CCDC146: variants seen among roughly 807,000 people sequenced by gnomAD.
The protein encoded by CCDC146 is coiled-coil domain-containing protein 146.
In CCDC146, 92 loss-of-function variants were observed where a neutral mutation model predicts 119.3. The ratio of observed to expected loss-of-function variants is 0.77; its 90% CI spans 0.65 to 0.92. The LOEUF is 0.92. Ranked by LOEUF, CCDC146 falls within the 40% of genes least tolerant of loss-of-function variation. The pLI, the probability that CCDC146 is intolerant of heterozygous loss-of-function variation, is 0.00. For synonymous variants in CCDC146, 372 were observed against 371.8 expected (o/e 1.00, Z -0.01); for missense variants, 1,000 against 1,103.0 (o/e 0.91, Z 1.32).
intron 3 of CCDC146, among the ~76,000 whole-genome samples, chr7:77,240,713 G>C (rs1490826137): frequency 6.6e-6 from 1 of 152,148 alleles, no homozygotes; most frequent in East Asian, 1.9e-4. Flanking sequence ...AATATACGAA[G>C]TTCCCGTCTA....
chr7:77,206,672 T>TATATAC (rs1436760781), intron 2 of CCDC146, among the ~76,000 whole-genome samples: 10 of 130,768 alleles, frequency 7.6e-5, no homozygotes, highest in South Asian at 6.8e-4. Flanking sequence ...TATATATATA[T>TATATAC]ACACACACAC....
intron 2 of CCDC146, chr7:77,193,250 T>C (rs1021268447): frequency 6.6e-6 from 1 of 152,246 alleles, no homozygotes; most frequent in Non-Finnish European, 1.5e-5. Context: ...ATGGTGTTCC[T>C]CTATTTGCCT....
intron 11 of CCDC146, among the ~76,000 whole-genome samples, chr7:77,276,854 T>G (rs1793655058): frequency 1.3e-5 from 2 of 152,202 alleles, no homozygotes; most frequent in South Asian, 4.1e-4. Context: ...GTGGATCACC[T>G]GAGGTCAGGA....
chr7:77,190,607 A>G (rs1461641824), intron 2 of CCDC146, among the ~76,000 whole-genome samples: 1 of 152,162 alleles, frequency 6.6e-6, no homozygotes, highest in Non-Finnish European at 1.5e-5. Flanking sequence ...TCAAAAAGCA[A>G]GGGGGGGCCC....
intron 1 of CCDC146, among the ~76,000 whole-genome samples, chr7:77,158,608 C>T (rs2117461213): frequency 6.6e-6 from 1 of 152,256 alleles, no homozygotes; most frequent in South Asian, 2.1e-4. Context: ...CAACCTCTGC[C>T]TTCCAGGTTC....
At chr7:77,260,640 T>A (rs1349792685) in intron 8 of CCDC146, among the ~76,000 whole-genome samples, 1 of 152,198 alleles carries the variant, frequency 6.6e-6, no homozygotes, top group African/African-American at 2.4e-5. Flanking sequence ...TTTTTGTTTG[T>A]TTTTTGAGAT....
chr7:77,268,932 C>G (rs1391266205), intron 9 of CCDC146, among the ~76,000 whole-genome samples: 1 of 152,074 alleles, frequency 6.6e-6, no homozygotes, highest in Non-Finnish European at 1.5e-5. Flanking sequence ...CTCTTACTTG[C>G]CTCCAGAATT....
At chr7:77,228,219 A>G (rs1792553616) in intron 2 of CCDC146, among the ~76,000 whole-genome samples, 2 of 152,202 alleles carry the variant, frequency 1.3e-5, no homozygotes, top group African/African-American at 2.4e-5. Context: ...GTAAACTTGT[A>G]TCATGGAGGT....
chr7:77,269,081 T>C (rs1052950208), intron 9 of CCDC146, among the ~76,000 whole-genome samples: 5 of 152,252 alleles, frequency 3.3e-5, no homozygotes, highest in Non-Finnish European at 5.9e-5. Context: ...TGATTTTCTC[T>C]ATTCTGTCTT....
In CCDC146 at chr7:77,196,705, C is replaced by G; in HGVS notation, c.156+28881C>G. The G allele has an allele frequency of 6.2e-7, 1 of 1,614,230 alleles. No individual in the cohort carries two copies. Among genetic ancestry groups the G allele is most frequent in the South Asian group, 1.1e-5 (1 of 91,086 alleles). Reference sequence around the variant, plus strand: ...AGTCTTCAAGATCTATTCTCAGAATCATTTCCTTACTCTTGGTCAGAAGAT... The same window carrying G: ...AGTCTTCAAGATCTATTCTCAGAATGATTTCCTTACTCTTGGTCAGAAGAT... On this transcript the variant is annotated intron_variant, in intron 2 of 18. Coordinates refer to ENST00000285871, the MANE Select transcript of CCDC146 (RefSeq NM_020879.3). This position sits in a 1 kb window ranked among gnomAD's most constrained non-coding sequence, Gnocchi z 4.2.
intron 1 of CCDC146, among the ~76,000 whole-genome samples, chr7:77,141,229 T>TC (rs1790928742): frequency 6.6e-6 from 1 of 152,236 alleles, no homozygotes; most frequent in Non-Finnish European, 1.5e-5. Context: ...TTCATCCATG[T>TC]CCCTGCAAAG....
At chr7:77,156,213 A>G (rs1791177377) in intron 1 of CCDC146, among the ~76,000 whole-genome samples, 1 of 152,230 alleles carries the variant, frequency 6.6e-6, no homozygotes, top group Admixed American at 6.5e-5. Flanking sequence ...ATTAACTTTA[A>G]AGGCCAGATA....
intron 18 of CCDC146, 104 bp downstream of exon 18, chr7:77,293,304 C>A: frequency 1.7e-6 from 2 of 1,202,354 alleles, no homozygotes; most frequent in East Asian, 2.3e-5. Context: ...CCCCACTCTA[C>A]CACACACAGT....
At chr7:77,257,117 C>T (rs1205273841) in intron 6 of CCDC146, 2 of 153,132 alleles carry the variant, frequency 1.3e-5, no homozygotes, top group African/African-American at 4.8e-5. Flanking sequence ...AAAACAACAA[C>T]AACAACAAAA....
intron 2 of CCDC146, among the ~76,000 whole-genome samples, chr7:77,192,399 A>G (rs1169109169): frequency 6.6e-6 from 1 of 152,224 alleles, no homozygotes; most frequent in Admixed American, 6.5e-5. Context: ...TCAAACCAGG[A>G]AGGCCAGCTC....
intron 1 of CCDC146, among the ~76,000 whole-genome samples, chr7:77,126,124 G>A (rs1790686768): frequency 6.6e-6 from 1 of 152,092 alleles, no homozygotes; most frequent in Non-Finnish European, 1.5e-5. Context: ...AGCAAGTTAA[G>A]GAAGTTTACT....
intron 1 of CCDC146, among the ~76,000 whole-genome samples, chr7:77,127,791 A>G (rs1401515515): frequency 6.6e-6 from 1 of 151,966 alleles, no homozygotes; most frequent in Non-Finnish European, 1.5e-5. Context: ...CATGTATTTT[A>G]ATTTCTCATT....
intron 3 of CCDC146, among the ~76,000 whole-genome samples, chr7:77,240,751 GCATCTTACATAACCATGGTC>G (rs1283082179): frequency 1.3e-5 from 2 of 152,168 alleles, no homozygotes; most frequent in Non-Finnish European, 2.9e-5. Context: ...TCTAATGGGA[GCATCTTACATAACCATGGTC>G]CATCAAAACT....
At chr7:77,228,758 C>A (rs1281188432) in intron 2 of CCDC146, among the ~76,000 whole-genome samples, 1 of 152,168 alleles carries the variant, frequency 6.6e-6, no homozygotes, top group Non-Finnish European at 1.5e-5. Context: ...GGCTGAAATA[C>A]TTACACTCCC....
Sources: allele counts gnomAD v4.1 joint callset (sites outside exome capture counted in the v4.1 genomes callset), GRCh38; gene constraint gnomAD v4.1.1; non-coding constraint Gnocchi (gnomAD v3.1); transcripts MANE v1.5; gene names NCBI Gene and HGNC (gene_info 2026-07-23, HGNC 2026-07-21).